Variants in RUNX2 observed in about 807,000 individuals in gnomAD.
The protein encoded by RUNX2 is RUNX family transcription factor 2, also known as runt-related transcription factor 2.
Under a neutral mutation model 51.7 loss-of-function variants are expected in RUNX2, and 10 were observed. The ratio of observed to expected loss-of-function variants is 0.19; its 90% CI spans 0.12 to 0.33. The LOEUF (loss-of-function observed/expected upper bound fraction) is 0.33. Ranked by LOEUF, RUNX2 falls within the 10% of genes least tolerant of loss-of-function variation. The probability of loss-of-function intolerance (pLI) is 1.00; values close to 1 mark genes in which losing one functional copy is unlikely to be tolerated. For missense variants in RUNX2, 562 were observed against 691.3 expected, an observed-to-expected ratio of 0.81 and a Z score of 2.10; for synonymous variants, 276 against 273.6, an observed-to-expected ratio of 1.01 and a Z score of -0.09.
chr6:45,539,989 G>T (rs1802166242), intron 7 of RUNX2, among the ~76,000 whole-genome samples: 1 of 152,196 alleles, frequency 6.6e-6, no homozygotes, highest in Non-Finnish European at 1.5e-5. Context: ...GGAAATCCTT[G>T]TGTAGTGGTG....
chr6:45,545,158 A>G, intron 7 of RUNX2, 59 bp from the exon 8 acceptor site: 1 of 1,358,772 alleles, frequency 7.4e-7, no homozygotes, highest in South Asian at 1.2e-5. Flanking sequence ...CTTGGAATTC[A>G]TAGTCATAGA....
intron 2 of RUNX2, among the ~76,000 whole-genome samples, chr6:45,390,666 T>A (rs1321079): frequency 0.19 from 28,888 of 151,788 alleles, 3,107 homozygotes; most frequent in Non-Finnish European, 0.25. Context: ...AAATGGAAGG[T>A]GAAAGTGTAA....
intron 2 of RUNX2, among the ~76,000 whole-genome samples, chr6:45,353,637 A>G (rs1792533352): frequency 6.6e-6 from 1 of 152,106 alleles, no homozygotes; most frequent in African/African-American, 2.4e-5. Context: ...AATGGATTAA[A>G]TATTAAACCA....
intron 5 of RUNX2, among the ~76,000 whole-genome samples, chr6:45,444,938 T>G (rs1281763746): frequency 6.6e-6 from 1 of 152,196 alleles, no homozygotes; most frequent in African/African-American, 2.4e-5. Flanking sequence ...CCTCCATTAC[T>G]TTTCATCTTA....
At chr6:45,441,859 CTA>C in intron 5 of RUNX2, among the ~76,000 whole-genome samples, 1 of 152,354 alleles carries the variant, frequency 6.6e-6, no homozygotes, top group Non-Finnish European at 1.5e-5. Flanking sequence ...GAGGCCTTGC[CTA>C]TCAACACATC....
intron 2 of RUNX2, among the ~76,000 whole-genome samples, chr6:45,378,396 G>A (rs1366903534): frequency 6.6e-6 from 1 of 152,180 alleles, no homozygotes; most frequent in East Asian, 1.9e-4. Flanking sequence ...ATCTTAATGG[G>A]ATTGCGCGTT....
chr6:45,478,485 C>G (rs1800020856), intron 5 of RUNX2, among the ~76,000 whole-genome samples: 1 of 152,196 alleles, frequency 6.6e-6, no homozygotes, highest in African/African-American at 2.4e-5. Context: ...CCTACAGCCT[C>G]ACAACTAACT....
intron 7 of RUNX2, among the ~76,000 whole-genome samples, chr6:45,514,024 G>A (rs979685862): frequency 6.6e-6 from 1 of 152,126 alleles, no homozygotes; most frequent in South Asian, 2.1e-4. Context: ...ATAGACTTAT[G>A]CAAACTTGCT....
chr6:45,391,145 T>A (rs1797460454), intron 2 of RUNX2, among the ~76,000 whole-genome samples: 1 of 152,218 alleles, frequency 6.6e-6, no homozygotes, highest in East Asian at 1.9e-4. Flanking sequence ...ATGGTTTGGA[T>A]GTTTATCCAC....
chr6:45,348,214 G>C (rs1321578736), intron 2 of RUNX2, among the ~76,000 whole-genome samples: 1 of 151,958 alleles, frequency 6.6e-6, no homozygotes, highest in African/African-American at 2.4e-5. Flanking sequence ...GCAGTTAAAA[G>C]TCTGACTCTG....
intron 3 of RUNX2, among the ~76,000 whole-genome samples, chr6:45,430,135 A>T (rs1301393285): frequency 6.6e-6 from 1 of 151,982 alleles, no homozygotes; most frequent in African/African-American, 2.4e-5. Context: ...CATGTGCTGG[A>T]CACTTTTGGG....
intron 3 of RUNX2, among the ~76,000 whole-genome samples, chr6:45,425,354 AC>A (rs1305931441): frequency 1.3e-5 from 2 of 152,114 alleles, no homozygotes; most frequent in African/African-American, 4.8e-5. Context: ...ATTTTTCACT[AC>A]CACCCTTTAA....
At chr6:45,461,884 T>C (rs74584915) in intron 5 of RUNX2, among the ~76,000 whole-genome samples, 6,115 of 152,070 alleles carry the variant, frequency 0.04, 180 homozygotes, top group African/African-American at 0.093. Context: ...TTGCTGCAAC[T>C]TTTTTTTAAA....
At chr6:45,332,935 G>GC (rs1386817942) in intron 2 of RUNX2, among the ~76,000 whole-genome samples, 1 of 151,550 alleles carries the variant, frequency 6.6e-6, no homozygotes, top group Non-Finnish European at 1.5e-5. Flanking sequence ...AATGAACGCT[G>GC]CAACTTCCAC....
intron 3 of RUNX2, among the ~76,000 whole-genome samples, chr6:45,431,204 G>GT (rs1040312550): frequency 6.6e-6 from 1 of 152,052 alleles, no homozygotes; most frequent in East Asian, 1.9e-4. Flanking sequence ...GGTATATATT[G>GT]TTTTTTTCTT....
In RUNX2 at chr6:45,422,708, A is replaced by ACAGCAGCAGCAGCAGCAGCAACAG; in HGVS notation, c.190_213dup (p.Gln64_Gln71dup). On this transcript the variant is annotated inframe_insertion, in exon 3 of 9. Transcript: ENST00000647337. ...AGCAGCAGCAACAGCAGCAGCAGCA[A>ACAGCAGCAGCAGCAGCAGCAACAG]CAGCAGCAGCAGCAGCAGCAACAGC... 1.3e-6 allele frequency: 2 copies of ACAGCAGCAGCAGCAGCAGCAACAG among 1,583,332 alleles called. No individual in the cohort carries two copies. The highest frequency in any genetic ancestry group is 1.1e-5 in the South Asian group (1 of 88,446).
chr6:45,352,783 T>A (rs12194682), intron 2 of RUNX2, among the ~76,000 whole-genome samples: 34,455 of 151,984 alleles, frequency 0.23, 4,586 homozygotes, highest in Non-Finnish European at 0.31. Context: ...ATACATTAAA[T>A]ACCTTTATTC....
intron 7 of RUNX2, among the ~76,000 whole-genome samples, chr6:45,516,362 T>A (rs1253046460): frequency 2.0e-5 from 3 of 152,212 alleles, no homozygotes; most frequent in African/African-American, 7.2e-5. Flanking sequence ...GAGAAGTTAT[T>A]GCCATGTAAT....
chr6:45,430,274 T>G (rs572864974), intron 3 of RUNX2, among the ~76,000 whole-genome samples: 4 of 152,152 alleles, frequency 2.6e-5, no homozygotes, highest in African/African-American at 7.2e-5. Flanking sequence ...TTTAAAGTAG[T>G]CATAGACCAT....
Sources: gnomAD v4.1 joint callset for allele counts (sites outside exome capture counted in the v4.1 genomes callset) on GRCh38, gnomAD v4.1.1 for gene constraint, MANE v1.5 for transcripts, NCBI Gene and HGNC (gene_info 2026-07-23, HGNC 2026-07-21) for gene names.